The following ST6GALNAC3 variants were observed in gnomAD, a reference collection of about 807,000 sequenced individuals.
ST6GALNAC3 encodes the protein alpha-N-acetylgalactosaminide alpha-2,6-sialyltransferase 3.
A neutral mutation model predicts 32.7 loss-of-function variants in ST6GALNAC3; 25 were observed. The observed-to-expected ratio is 0.76, with a 90% CI of 0.56 to 1.07. The LOEUF (loss-of-function observed/expected upper bound fraction) is 1.07, where lower values mean the gene tolerates loss of function less well. Among genes scored for constraint, ST6GALNAC3 ranks in the 50% least tolerant of loss-of-function variants. The pLI is 0.00. For synonymous variants in ST6GALNAC3, 129 were observed against 133.1 expected, an observed-to-expected ratio of 0.97 and a Z score of 0.21; for missense variants, 355 against 382.4, an observed-to-expected ratio of 0.93 and a Z score of 0.60.
intron 2 of ST6GALNAC3, among the ~76,000 whole-genome samples, chr1:76,318,611 C>T: frequency 6.6e-6 from 1 of 152,068 alleles, no homozygotes; most frequent in East Asian, 1.9e-4. Flanking sequence ...AATGCAATCC[C>T]CCATTTTAAA....
At chr1:76,394,075 T>G (rs567758836) in intron 2 of ST6GALNAC3, among the ~76,000 whole-genome samples, 17 of 152,264 alleles carry the variant, frequency 1.1e-4, no homozygotes, top group African/African-American at 3.9e-4. Flanking sequence ...CAGTGTTGAA[T>G]TTTACCTCAA....
chr1:76,075,018 T>A (rs185491522), intron 1 of ST6GALNAC3, 134 bp downstream of exon 1: 1 of 1,158,040 alleles, frequency 8.6e-7, no homozygotes, highest in African/African-American at 1.5e-5. Flanking sequence ...TTTTTGTTCC[T>A]TTGGCAAATG....
intron 3 of ST6GALNAC3, among the ~76,000 whole-genome samples, chr1:76,428,898 C>T (rs1258000056): frequency 2.6e-5 from 4 of 152,040 alleles, no homozygotes; most frequent in South Asian, 2.1e-4. Flanking sequence ...TTAGTGATAC[C>T]GAGGTCCATC....
intron 3 of ST6GALNAC3, among the ~76,000 whole-genome samples, chr1:76,431,685 T>C (rs1173650844): frequency 1.3e-5 from 2 of 152,180 alleles, no homozygotes; most frequent in African/African-American, 4.8e-5. Context: ...CTCTTTTAAA[T>C]TGCCTTATTT....
At chr1:76,523,546 T>A (rs940595196) in intron 3 of ST6GALNAC3, among the ~76,000 whole-genome samples, 1 of 152,180 alleles carries the variant, frequency 6.6e-6, no homozygotes, top group African/African-American at 2.4e-5. Context: ...TAGGCTGACT[T>A]TAGACATGCT....
chr1:76,538,244 C>G (rs988898009), intron 3 of ST6GALNAC3, among the ~76,000 whole-genome samples: 4 of 152,052 alleles, frequency 2.6e-5, no homozygotes, highest in African/African-American at 9.7e-5. Flanking sequence ...TAATCCATCA[C>G]ATAAACAGAA....
chr1:76,618,835 C>T (rs1184207239), intron 3 of ST6GALNAC3, among the ~76,000 whole-genome samples: 1 of 152,140 alleles, frequency 6.6e-6, no homozygotes, highest in African/African-American at 2.4e-5. Flanking sequence ...CATATTATAC[C>T]TATCACAGCA....
chr1:76,462,235 TAA>T (rs71676938), intron 3 of ST6GALNAC3, among the ~76,000 whole-genome samples: 6 of 147,898 alleles, frequency 4.1e-5, no homozygotes, highest in African/African-American at 4.9e-5. Flanking sequence ...GAATTAATGG[TAA>T]AAAAAAAAAA....
At chr1:76,443,911 A>G (rs1483611206) in intron 3 of ST6GALNAC3, among the ~76,000 whole-genome samples, 1 of 152,212 alleles carries the variant, frequency 6.6e-6, no homozygotes, top group Non-Finnish European at 1.5e-5. Flanking sequence ...AATGGGTGCC[A>G]TTTGGCATTC....
At chr1:76,075,815 G>C (rs905726023) in intron 1 of ST6GALNAC3, among the ~76,000 whole-genome samples, 4 of 152,040 alleles carry the variant, frequency 2.6e-5, no homozygotes, top group South Asian at 2.1e-4. Flanking sequence ...AGAATGCAGA[G>C]ACCTAGTTGT....
intron 1 of ST6GALNAC3, among the ~76,000 whole-genome samples, chr1:76,253,667 A>G (rs925548655): frequency 2.6e-5 from 4 of 152,134 alleles, no homozygotes; most frequent in African/African-American, 9.7e-5. Context: ...TATTGATGCA[A>G]TTACATTAAT....
intron 2 of ST6GALNAC3, among the ~76,000 whole-genome samples, chr1:76,363,476 C>G (rs1449359006): frequency 5.3e-5 from 8 of 152,200 alleles, no homozygotes; most frequent in Non-Finnish European, 8.8e-5. Context: ...ATCGGAAGTT[C>G]CAAACATTCC....
intron 3 of ST6GALNAC3, among the ~76,000 whole-genome samples, chr1:76,439,159 G>A (rs1217292947): frequency 6.6e-6 from 1 of 152,152 alleles, no homozygotes; most frequent in African/African-American, 2.4e-5. Flanking sequence ...ATGATAATGT[G>A]GAGACTCTCT....
intron 2 of ST6GALNAC3, among the ~76,000 whole-genome samples, chr1:76,334,302 T>C (rs573780825): frequency 6.6e-6 from 1 of 152,358 alleles, no homozygotes; most frequent in African/African-American, 2.4e-5. Flanking sequence ...GGTGATATGA[T>C]TGTATCTCCA....
Position 76,451,571 on chromosome 1 carries a change from T to C in ST6GALNAC3, c.623+39154T>C, listed in dbSNP as rs1025607108. Among the ~76,000 whole-genome samples the C allele has an allele frequency of 6.6e-5, 10 of 152,202 alleles. No individual in the cohort carries two copies. The East Asian group carries it at 7.7e-4, about 12-fold the overall frequency. Reference sequence around the variant, plus strand: ...TCAGCATGGAATGTGTTTCCATTTGTTTGTGTCACCTATAATTTTTTTCAG... The same window carrying C: ...TCAGCATGGAATGTGTTTCCATTTGCTTGTGTCACCTATAATTTTTTTCAG... On this transcript the variant is annotated intron_variant, in intron 3 of 4. Coordinates refer to ENST00000328299, the MANE Select transcript of ST6GALNAC3 (RefSeq NM_152996.4).
intron 3 of ST6GALNAC3, among the ~76,000 whole-genome samples, chr1:76,459,282 A>C (rs1658105087): frequency 6.6e-6 from 1 of 152,180 alleles, no homozygotes; most frequent in Non-Finnish European, 1.5e-5. Context: ...GAGATAGAAT[A>C]GAATTGGCAT....
intron 3 of ST6GALNAC3, among the ~76,000 whole-genome samples, chr1:76,549,735 G>A (rs571502007): frequency 6.6e-6 from 1 of 152,090 alleles, no homozygotes; most frequent in Non-Finnish European, 1.5e-5. Context: ...GGGGGAAGGA[G>A]GTAGGATTGC....
chr1:76,570,599 T>C (rs1472981152), intron 3 of ST6GALNAC3, among the ~76,000 whole-genome samples: 1 of 152,126 alleles, frequency 6.6e-6, no homozygotes, highest in East Asian at 1.9e-4. Flanking sequence ...AACAGTTGAT[T>C]CTTTATACTA....
At chr1:76,440,643 TA>T (rs1460320411) in intron 3 of ST6GALNAC3, among the ~76,000 whole-genome samples, 1 of 152,228 alleles carries the variant, frequency 6.6e-6, no homozygotes, top group Non-Finnish European at 1.5e-5. Flanking sequence ...TAGAGCCTCA[TA>T]AACTATAAAT....
Sources: gnomAD v4.1 joint callset for allele counts (sites outside exome capture counted in the v4.1 genomes callset) on GRCh38, gnomAD v4.1.1 for gene constraint, MANE v1.5 for transcripts, NCBI Gene and HGNC (gene_info 2026-07-23, HGNC 2026-07-21) for gene names.